The following FANCB variants were observed in gnomAD, a reference collection of about 807,000 sequenced individuals.
FANCB encodes FA complementation group B, also known as Fanconi anemia group B protein.
A neutral mutation model predicts 38.9 loss-of-function variants in FANCB; 5 were observed. The ratio of observed to expected loss-of-function variants is 0.13; its 90% CI spans 0.07 to 0.27. The LOEUF (loss-of-function observed/expected upper bound fraction) is 0.27, where lower values mean the gene tolerates loss of function less well. Ranked by LOEUF, FANCB falls within the 10% of genes least tolerant of loss-of-function variation. The pLI is 1.00. For synonymous variants in FANCB, 236 were observed against 215.4 expected, an observed-to-expected ratio of 1.10 and a Z score of -0.84; for missense variants, 573 against 602.7, an observed-to-expected ratio of 0.95 and a Z score of 0.52.
the FANCB span, among the ~76,000 whole-genome samples, chrX:14,818,055 C>G: frequency 9.0e-6 from 1 of 111,546 alleles, no homozygotes; most frequent in Admixed American, 9.6e-5. Flanking sequence ...TGGAATTTCC[C>G]TCACTGAGCT....
At chrX:14,818,023 A>T in the FANCB span, among the ~76,000 whole-genome samples, 2 of 111,652 alleles carry the variant, frequency 1.8e-5, no homozygotes, top group African/African-American at 6.5e-5. Flanking sequence ...TGGCAACTCA[A>T]CAGGGATAGA....
the FANCB span, among the ~76,000 whole-genome samples, chrX:14,698,359 T>TAATTTTTTTTTAATTATTTAA: frequency 9.0e-6 from 1 of 110,819 alleles, no homozygotes; most frequent in Non-Finnish European, 1.9e-5. Context: ...TGGCCTGAGT[T>TAATTTTTTTTTAATTATTTAA]AATTTTTTTT....
the FANCB span, among the ~76,000 whole-genome samples, chrX:14,769,777 G>A: frequency 9.0e-6 from 1 of 111,555 alleles, no homozygotes; most frequent in Non-Finnish European, 1.9e-5. Flanking sequence ...CTAGCTTTTT[G>A]ATGTGAGGAT....
chrX:14,866,454 T>A (rs774955147), intron 2 of FANCB, among the ~76,000 whole-genome samples: 1 of 111,197 alleles, frequency 9.0e-6, no homozygotes, highest in East Asian at 2.8e-4. Flanking sequence ...GATAAGAAAA[T>A]TTTCCAAGGT....
chrX:14,832,003 A>AT (rs1205604636), downstream of FANCB, among the ~76,000 whole-genome samples: 2 of 111,933 alleles, frequency 1.8e-5, no homozygotes, highest in Non-Finnish European at 3.8e-5. Context: ...ATGGTGTTTC[A>AT]TTTTTTGTTG....
At chrX:14,790,362 C>T in the FANCB span, among the ~76,000 whole-genome samples, 6 of 111,622 alleles carry the variant, frequency 5.4e-5, no homozygotes, top group African/African-American at 6.5e-5. Flanking sequence ...GGGAAAAATG[C>T]TAATTTAGAG....
chrX:14,745,995 C>T, the FANCB span, among the ~76,000 whole-genome samples: 3 of 110,870 alleles, frequency 2.7e-5, no homozygotes, highest in African/African-American at 6.6e-5. Context: ...CCACCGCACC[C>T]GGCCGAAACT....
chrX:14,774,612 T>C, the FANCB span, among the ~76,000 whole-genome samples: 1 of 111,608 alleles, frequency 9.0e-6, no homozygotes, highest in African/African-American at 3.3e-5. Flanking sequence ...GAAAGGAAAA[T>C]GAACAAATTT....
the FANCB span, among the ~76,000 whole-genome samples, chrX:14,695,023 T>C: frequency 9.0e-6 from 1 of 111,505 alleles, no homozygotes; most frequent in Non-Finnish European, 1.9e-5. Context: ...CTCGATAGAG[T>C]TGGCAAGTAA....
At chrX:14,706,557 A>G in the FANCB span, among the ~76,000 whole-genome samples, 1 of 111,958 alleles carries the variant, frequency 8.9e-6, no homozygotes, top group African/African-American at 3.3e-5. Context: ...ATTTAACCCT[A>G]TGTTGCTTGT....
the FANCB span, among the ~76,000 whole-genome samples, chrX:14,829,765 A>C: frequency 1.8e-5 from 2 of 112,355 alleles, no homozygotes; most frequent in Non-Finnish European, 3.8e-5. Context: ...GGCTTAAGGG[A>C]ATACTGTAAT....
At chrX:14,842,373 C>T (rs758872989), downstream of FANCB, among the ~76,000 whole-genome samples, 1 of 111,864 alleles carries the variant, frequency 8.9e-6, no homozygotes, top group African/African-American at 3.3e-5. Flanking sequence ...AGAGAATTAG[C>T]ACTTCACAGC....
Position 14,859,341 on chromosome X carries a change from G to A in FANCB, c.952-7C>T, listed in dbSNP as rs1285221428. The A allele has an allele frequency of 8.6e-7, 1 of 1,168,362 alleles. No individual in the cohort carries two copies. The highest frequency in any genetic ancestry group is 1.2e-6 in the Non-Finnish European group (1 of 857,218). The stretch of plus-strand genomic sequence containing the variant: ...TTTCCCATTTAGCAGCAACCTAAAA[G>A]AAAGGGAGCATTATAGGAGGAGTAG... On this transcript the variant is annotated splice_polypyrimidine_tract_variant and splice_region_variant and intron_variant, in intron 3 of 9. Transcript: ENST00000650831.
At chrX:14,792,278 G>A in the FANCB span, among the ~76,000 whole-genome samples, 33 of 111,204 alleles carry the variant, frequency 3.0e-4, no homozygotes, top group Non-Finnish European at 2.3e-4. Context: ...AAATTAATGA[G>A]AGGATTTTTT....
the FANCB span, among the ~76,000 whole-genome samples, chrX:14,753,146 GA>G: frequency 1.8e-5 from 2 of 109,994 alleles, no homozygotes; most frequent in African/African-American, 6.6e-5. Context: ...TAAAATTTGA[GA>G]AAATTAATAT....
chrX:14,735,819 C>T, the FANCB span, among the ~76,000 whole-genome samples: 1 of 21 alleles, frequency 0.048, no homozygotes, highest in Non-Finnish European at 0.1. Context: ...TTTAAGTCTG[C>T]TGAAGTGCGC....
the FANCB span, among the ~76,000 whole-genome samples, chrX:14,748,536 T>C: frequency 8.9e-6 from 1 of 112,634 alleles, no homozygotes; most frequent in African/African-American, 3.2e-5. Context: ...ACTCAGTAAA[T>C]GTATGCTGAT....
In FANCB at chrX:14,843,651, A is replaced by T. The variant is rs757248077; in HGVS notation, c.2496T>A (p.Gly832=). 3 of 1,210,119 alleles carry T rather than the reference A, an allele frequency of 2.5e-6. No individual in the cohort carries two copies. The highest frequency in any genetic ancestry group is 2.2e-5 in the Admixed American group (1 of 46,015). The stretch of plus-strand genomic sequence containing the variant: ...TCAAAGTTATTTCTCTGTAAAGGGC[A>T]CCACTCACTTTTAGGTTCGTTTGCA... The part of the protein sequence containing the change: ...KMLQTNLKVS[G]ALYREITLKV... The change falls in exon 10 of 10, where the codon GGT becomes GGA. Residue 832 remains glycine (G), a synonymous_variant. Coordinates refer to ENST00000650831, the MANE Select transcript of FANCB (RefSeq NM_001018113.3).
At chrX:14,730,417 C>G in the FANCB span, 1 of 1,206,486 alleles carries the variant, frequency 8.3e-7, no homozygotes, top group South Asian at 1.8e-5. Flanking sequence ...ATTGGCCTTC[C>G]TCATTTTCAA....
Sources: gnomAD v4.1 joint callset for allele counts (sites outside exome capture counted in the v4.1 genomes callset) on GRCh38, gnomAD v4.1.1 for gene constraint, MANE v1.5 for transcripts, NCBI Gene and HGNC (gene_info 2026-07-23, HGNC 2026-07-21) for gene names.